Variants in FNIP1 observed in about 807,000 individuals in gnomAD.
FNIP1 encodes the protein folliculin-interacting protein 1.
Under a neutral mutation model 124.5 loss-of-function variants are expected in FNIP1, and 40 were observed. The ratio of observed to expected loss-of-function variants is 0.32; its 90% CI spans 0.25 to 0.42. The LOEUF (loss-of-function observed/expected upper bound fraction) is 0.42. Among genes scored for constraint, FNIP1 ranks in the 10% least tolerant of loss-of-function variants. FNIP1 has a pLI of 1.00. For missense variants in FNIP1, 1,176 were observed against 1,403.7 expected (o/e 0.84, Z 2.59); for synonymous variants, 472 against 470.6 (o/e 1.00, Z -0.04).
At chr5:131,693,333 C>CATATATATATATATATATATATACAT (rs1768564989) in intron 11 of FNIP1, among the ~76,000 whole-genome samples, 2 of 50,152 alleles carry the variant, frequency 4.0e-5, no homozygotes, top group African/African-American at 1.4e-4. Context: ...TATATATATA[C>CATATATATATATATATATATATACAT]ATATATATAT....
intron 1 of FNIP1, among the ~76,000 whole-genome samples, chr5:131,777,423 G>A (rs1041911175): frequency 4.0e-5 from 6 of 151,752 alleles, no homozygotes; most frequent in African/African-American, 9.7e-5. Context: ...TGGTCCTGTC[G>A]TAAAAACATG....
intron 1 of FNIP1, among the ~76,000 whole-genome samples, chr5:131,766,794 C>G (rs1474954789): frequency 6.6e-6 from 1 of 152,158 alleles, no homozygotes; most frequent in African/African-American, 2.4e-5. Context: ...GTTCAAAGGC[C>G]AGACAGCCTG....
chr5:131,735,422 A>C (rs1469757556), intron 2 of FNIP1, among the ~76,000 whole-genome samples: 1 of 150,164 alleles, frequency 6.7e-6, no homozygotes, highest in Non-Finnish European at 1.5e-5. Flanking sequence ...ACAAACCTGC[A>C]CATTGTGCAC....
At chr5:131,659,392 C>G (rs912514258) in intron 15 of FNIP1, among the ~76,000 whole-genome samples, 35 of 152,226 alleles carry the variant, frequency 2.3e-4, no homozygotes, top group African/African-American at 8.4e-4. Flanking sequence ...GGCCATCGGA[C>G]AGCTCATAGC....
intron 3 of FNIP1, among the ~76,000 whole-genome samples, chr5:131,725,265 G>A (rs185903265): frequency 1.3e-5 from 2 of 152,280 alleles, no homozygotes; most frequent in East Asian, 3.9e-4. Flanking sequence ...GATGGGGATA[G>A]CATTGAATCT....
In FNIP1 at chr5:131,709,095, G is replaced by C. The variant is rs1490896847; in HGVS notation, c.778+106C>G. The C allele has an allele frequency of 3.5e-6, 3 of 848,902 alleles. No homozygotes were observed. In the East Asian group the frequency reaches 7.3e-5, roughly 21 times the overall value. The allele number at this position is 848,902 out of a possible 1,614,324, so 52.6% of individuals were successfully genotyped here. A position where few individuals can be genotyped will look rare whatever the true frequency, so the allele number is the denominator to read the frequency against. ...TGGTCTTTTCACAGTTCTCTTGTAA[G>C]GCTAATATCAATATGAACAAATTTG... On this transcript the variant is annotated intron_variant, in intron 8 of 17. Coordinates refer to ENST00000510461, the MANE Select transcript of FNIP1 (RefSeq NM_133372.3).
chr5:131,658,907 C>CAAAAAAA lies in FNIP1; in HGVS notation c.3109-6915_3109-6909dup, dbSNP rs70974003. Among the ~76,000 whole-genome samples, 262 of 41,130 alleles carry CAAAAAAA rather than the reference C, an allele frequency of 6.4e-3. 23 individuals carry two copies. Among genetic ancestry groups the CAAAAAAA allele is most frequent in the South Asian group, 0.011 (11 of 1,028 alleles). The allele number at this position is 41,130 out of a possible 152,430, so 27.0% of individuals were successfully genotyped here. Reference sequence around the variant, plus strand: ...CCAGTTTTTAAATCCTGGGTCTAGCCAAAAAAAAAAAAAAAAAAAAAAAAA... The same window carrying CAAAAAAA: ...CCAGTTTTTAAATCCTGGGTCTAGCCAAAAAAAAAAAAAAAAAAAAAAAAAAAAAAAA... On this transcript the variant is annotated intron_variant, in intron 15 of 17. Coordinates refer to ENST00000510461, the MANE Select transcript of FNIP1 (RefSeq NM_133372.3).
At chr5:131,768,808 TAATAA>T (rs1391109637) in intron 1 of FNIP1, among the ~76,000 whole-genome samples, 5 of 151,954 alleles carry the variant, frequency 3.3e-5, no homozygotes, top group African/African-American at 7.3e-5. Context: ...CAAAAACTAA[TAATAA>T]AATAAAATAA....
chr5:131,708,802 A>G (rs1384094708), intron 8 of FNIP1, among the ~76,000 whole-genome samples: 1 of 151,996 alleles, frequency 6.6e-6, no homozygotes, highest in Non-Finnish European at 1.5e-5. Flanking sequence ...AAAAAAAAAA[A>G]GTATAACATT....
At chr5:131,707,100 CA>C (rs1769139208) in intron 8 of FNIP1, among the ~76,000 whole-genome samples, 1 of 152,184 alleles carries the variant, frequency 6.6e-6, no homozygotes, top group African/African-American at 2.4e-5. Context: ...TCTAAGGTGA[CA>C]AACACATTCC....
At chr5:131,701,940 C>T (rs532884595) in intron 10 of FNIP1, among the ~76,000 whole-genome samples, 1 of 152,102 alleles carries the variant, frequency 6.6e-6, no homozygotes, top group African/African-American at 2.4e-5. Flanking sequence ...GTATCCTTTC[C>T]CTTCCACAGA....
rs186235645 is a variant in FNIP1 at position 131,665,575 on chromosome 5, T to A, written c.3108+4888A>T. ...CTTTAAGTATGCAAGGATTAAAAAA[T>A]ATATATATATATAGATAGGTTTTTT... is the stretch of plus-strand genomic sequence containing the variant. On this transcript the variant is annotated intron_variant, in intron 15 of 17. Transcript: ENST00000510461. 2.2e-3 allele frequency among the ~76,000 whole-genome samples: 333 copies of A among 149,378 alleles called. 2 individuals carry two copies. Among genetic ancestry groups the A allele is most frequent in the African/African-American group, 6.1e-3 (251 of 40,976 alleles).
chr5:131,697,499 T>A (rs897413533), intron 11 of FNIP1, among the ~76,000 whole-genome samples: 6 of 152,178 alleles, frequency 3.9e-5, no homozygotes, highest in African/African-American at 1.4e-4. Context: ...AGCATATTGT[T>A]TCCCTATCTA....
intron 15 of FNIP1, among the ~76,000 whole-genome samples, chr5:131,665,486 T>G (rs1767570920): frequency 6.6e-6 from 1 of 151,724 alleles, no homozygotes; most frequent in South Asian, 2.1e-4. Context: ...ATTTATATAT[T>G]AAAAGGTTCC....
chr5:131,731,599 A>G (rs756176062), intron 2 of FNIP1, among the ~76,000 whole-genome samples: 3 of 151,742 alleles, frequency 2.0e-5, no homozygotes, highest in Non-Finnish European at 2.9e-5. Flanking sequence ...CTGAGACTGC[A>G]CCACTGCACT....
chr5:131,778,102 T>G (rs1332443071), intron 1 of FNIP1, among the ~76,000 whole-genome samples: 3 of 152,056 alleles, frequency 2.0e-5, no homozygotes. Context: ...CTCACGCTTG[T>G]AATCCCAACA....
chr5:131,659,782 G>A (rs1288262666), intron 15 of FNIP1, among the ~76,000 whole-genome samples: 2 of 152,210 alleles, frequency 1.3e-5, no homozygotes, highest in Non-Finnish European at 2.9e-5. Flanking sequence ...GGTTGGCCTT[G>A]GATTCAGGGG....
chr5:131,653,383 C>T (rs2149505010), intron 15 of FNIP1, among the ~76,000 whole-genome samples: 1 of 151,922 alleles, frequency 6.6e-6, no homozygotes, highest in South Asian at 2.1e-4. Context: ...ACTAAAAATA[C>T]AAAAAATTAG....
intron 1 of FNIP1, among the ~76,000 whole-genome samples, chr5:131,747,467 A>G (rs995163218): frequency 6.6e-6 from 1 of 152,246 alleles, no homozygotes; most frequent in African/African-American, 2.4e-5. Flanking sequence ...GACTTGCATC[A>G]CACTGAACTG....
Sources: gnomAD v4.1 joint callset for allele counts (sites outside exome capture counted in the v4.1 genomes callset) on GRCh38, gnomAD v4.1.1 for gene constraint, MANE v1.5 for transcripts, NCBI Gene and HGNC (gene_info 2026-07-23, HGNC 2026-07-21) for gene names.